The following DEPTOR variants were observed in gnomAD, a reference collection of about 807,000 sequenced individuals.
DEPTOR encodes the protein DEP domain containing MTOR interacting protein.
In DEPTOR, 41 loss-of-function variants were observed where a neutral mutation model predicts 41.6. The ratio of observed to expected loss-of-function variants is 0.98; its 90% CI spans 0.77 to 1.28. DEPTOR has a LOEUF of 1.28. Ranked by LOEUF, DEPTOR falls within the 50% of genes most tolerant of loss-of-function variation. DEPTOR has a pLI of 0.00. For missense variants in DEPTOR, 514 were observed against 527.9 expected (o/e 0.97, Z 0.26); for synonymous variants, 195 against 192.3 (o/e 1.01, Z -0.12).
intron 1 of DEPTOR, among the ~76,000 whole-genome samples, chr8:119,910,545 C>A (rs990467314): frequency 6.6e-6 from 1 of 151,884 alleles, no homozygotes; most frequent in Non-Finnish European, 1.5e-5. Flanking sequence ...CTCCGCCTCC[C>A]GGTTTCAAAC....
intron 1 of DEPTOR, among the ~76,000 whole-genome samples, chr8:119,927,310 A>G (rs1827975855): frequency 6.6e-6 from 1 of 152,102 alleles, no homozygotes; most frequent in African/African-American, 2.4e-5. Flanking sequence ...TGGTATTAGT[A>G]ACAGATACCT....
At chr8:119,977,157 C>G (rs368202721) in intron 4 of DEPTOR, among the ~76,000 whole-genome samples, 1 of 152,144 alleles carries the variant, frequency 6.6e-6, no homozygotes, top group Non-Finnish European at 1.5e-5. Context: ...CGTGCCACCA[C>G]ACCCAGCTAA....
chr8:119,927,344 G>A (rs897627119), intron 1 of DEPTOR, among the ~76,000 whole-genome samples: 2 of 151,990 alleles, frequency 1.3e-5, no homozygotes, highest in East Asian at 3.9e-4. Context: ...AAAGCACAGG[G>A]AATGTATCGA....
intron 1 of DEPTOR, among the ~76,000 whole-genome samples, chr8:119,900,181 G>A (rs1016060312): frequency 9.9e-5 from 15 of 151,514 alleles, no homozygotes; most frequent in African/African-American, 3.4e-4. Flanking sequence ...TTAGCCAGGC[G>A]TGGTGGCGCA....
At chr8:119,890,823 A>C (rs975773354) in intron 1 of DEPTOR, among the ~76,000 whole-genome samples, 1 of 152,078 alleles carries the variant, frequency 6.6e-6, no homozygotes, top group Non-Finnish European at 1.5e-5. Flanking sequence ...ATTGGTTTTG[A>C]ATCCAGGCCT....
chr8:119,891,231 C>CA (rs60867475), intron 1 of DEPTOR: 75,253 of 151,426 alleles, frequency 0.5, 20,340 homozygotes, highest in East Asian at 0.92. Context: ...GCTGTAGACT[C>CA]GGTCTATTTC....
chr8:119,932,702 C>T (rs965750900), intron 3 of DEPTOR, among the ~76,000 whole-genome samples: 7 of 152,142 alleles, frequency 4.6e-5, no homozygotes, highest in African/African-American at 1.4e-4. Flanking sequence ...AAGGCACAGA[C>T]ACATGAAGAT....
At chr8:119,902,431 C>T (rs1013668621) in intron 1 of DEPTOR, among the ~76,000 whole-genome samples, 7 of 152,100 alleles carry the variant, frequency 4.6e-5, no homozygotes, top group African/African-American at 1.7e-4. Flanking sequence ...CCTCTGCCTC[C>T]CTGGTTCAAG....
intron 8 of DEPTOR, among the ~76,000 whole-genome samples, chr8:120,012,959 T>A (rs1346032088): frequency 6.6e-6 from 1 of 151,840 alleles, no homozygotes; most frequent in East Asian, 2.0e-4. Context: ...GAGATTGAGA[T>A]CTACCTGGTC....
In DEPTOR at chr8:120,001,226, T is replaced by C. The variant is rs79737027; in HGVS notation, c.605-299T>C. Among the ~76,000 whole-genome samples, 242 of 152,172 alleles carry C rather than the reference T, an allele frequency of 1.6e-3. 1 individual carries two copies. The highest frequency in any genetic ancestry group is 3.1e-3 in the Non-Finnish European group (211 of 67,998). On this transcript the variant is annotated intron_variant, in intron 4 of 8. Transcript: ENST00000286234. ...GGGGCAGACAGTGAGGGTGCAGTGTTATCAGTGCTTTGGTGGAAGCAGCAC... is the reference window on the plus strand; with the variant it reads ...GGGGCAGACAGTGAGGGTGCAGTGTCATCAGTGCTTTGGTGGAAGCAGCAC...
At chr8:120,034,695 C>T (rs1299183904) in intron 8 of DEPTOR, among the ~76,000 whole-genome samples, 1 of 151,988 alleles carries the variant, frequency 6.6e-6, no homozygotes, top group Admixed American at 6.6e-5. Context: ...AGTGATCCAC[C>T]CACCTCAGCC....
chr8:120,027,234 AAAT>A (rs10529651), intron 8 of DEPTOR, among the ~76,000 whole-genome samples: 30 of 145,100 alleles, frequency 2.1e-4, no homozygotes, highest in Middle Eastern at 3.3e-3. Context: ...AATAAAAATA[AAAT>A]AATAATAATA....
rs10649943 is a variant in DEPTOR at position 119,954,845 on chromosome 8, GGTGTGT to G, written c.426-10362_426-10357del. Among the ~76,000 whole-genome samples the G allele has an allele frequency of 1.8e-4, 26 of 148,060 alleles. 1 individual carries two copies. The highest frequency in any genetic ancestry group is 1.5e-3 in the South Asian group (7 of 4,662). On this transcript the variant is annotated intron_variant, in intron 3 of 8. Transcript: ENST00000286234. ...TGAGTGCTTGCAGCAGGCAAATATT[GGTGTGT>G]GTGTGTGTGTGTGTGTGTGTGTGTT...
chr8:120,003,162 G>C (rs1365575484), intron 6 of DEPTOR, 51 bp downstream of exon 6: 3 of 1,589,362 alleles, frequency 1.9e-6, no homozygotes, highest in Admixed American at 1.7e-5. Context: ...GACTTGGGCA[G>C]GTCCCTGGGA....
chr8:119,954,013 C>T (rs1221367852), intron 3 of DEPTOR, among the ~76,000 whole-genome samples: 2 of 145,836 alleles, frequency 1.4e-5, no homozygotes, highest in African/African-American at 5.0e-5. Context: ...AACATGTTGG[C>T]CAGGCTGGTC....
At chr8:120,023,411 T>A (rs1812752911) in intron 8 of DEPTOR, among the ~76,000 whole-genome samples, 1 of 152,048 alleles carries the variant, frequency 6.6e-6, no homozygotes, top group Non-Finnish European at 1.5e-5. Context: ...CAGCTAATTT[T>A]TGTATTTTTA....
At chr8:119,996,643 G>A (rs994158092) in intron 4 of DEPTOR, among the ~76,000 whole-genome samples, 3 of 152,150 alleles carry the variant, frequency 2.0e-5, no homozygotes, top group Non-Finnish European at 4.4e-5. Context: ...ACATAATTAG[G>A]TCAGCAGTCA....
At chr8:120,034,911 G>A (rs748779226) in intron 8 of DEPTOR, among the ~76,000 whole-genome samples, 3 of 152,060 alleles carry the variant, frequency 2.0e-5, no homozygotes, top group Non-Finnish European at 4.4e-5. Flanking sequence ...CAGATAATTG[G>A]GCAAAAGATT....
rs539545559 is a variant in DEPTOR at position 119,945,142 on chromosome 8, A to G, written c.425+15204A>G. Among the ~76,000 whole-genome samples the G allele has an allele frequency of 2.0e-5, 3 of 152,150 alleles. No homozygotes were observed. The South Asian group carries it at 6.2e-4, about 32-fold the overall frequency. ...TATACATACATAGCATATGCCCCAT[A>G]AATGTTTGTTGAAGAGATGAATAGA... On this transcript the variant is annotated intron_variant, in intron 3 of 8. Transcript: ENST00000286234.
Sources: gnomAD v4.1 joint callset for allele counts (sites outside exome capture counted in the v4.1 genomes callset) on GRCh38, gnomAD v4.1.1 for gene constraint, MANE v1.5 for transcripts, NCBI Gene and HGNC (gene_info 2026-07-23, HGNC 2026-07-21) for gene names.